PROM1: variants seen among roughly 807,000 people sequenced by gnomAD.
PROM1 encodes prominin-1.
PROM1 carries 105 observed loss-of-function variants against 116.9 expected under a neutral mutation model. That is an observed-to-expected ratio of 0.90 (90% CI 0.77 to 1.06). PROM1 has a LOEUF of 1.06. Ranked by LOEUF, PROM1 falls within the 50% of genes least tolerant of loss-of-function variation. The pLI is 0.00. For missense variants in PROM1, 1,122 were observed against 1,045.2 expected (o/e 1.07, Z -1.01); for synonymous variants, 393 against 387.0 (o/e 1.02, Z -0.18).
chr4:16,078,016 G>C (rs182908918), intron 1 of PROM1: 7 of 152,356 alleles, frequency 4.6e-5, no homozygotes, highest in African/African-American at 1.7e-4. Flanking sequence ...AAGTAATCCT[G>C]ATGGAAATCT....
At chr4:16,014,750 C>T (rs1455090082) in intron 10 of PROM1, among the ~76,000 whole-genome samples, 1 of 152,176 alleles carries the variant, frequency 6.6e-6, no homozygotes, top group Non-Finnish European at 1.5e-5. Flanking sequence ...AAACTATTCT[C>T]TCATTTTCCC....
chr4:16,006,585 C>CA lies in PROM1; in HGVS notation c.1406_1407insT (p.Thr470AspfsTer48). The CA allele has an allele frequency of 6.2e-7, 1 of 1,604,524 alleles. No homozygotes were observed. Among genetic ancestry groups the CA allele is most frequent in the South Asian group, 1.1e-5 (1 of 89,024 alleles). On this transcript the variant is annotated frameshift_variant, in exon 13 of 28. Coordinates refer to ENST00000447510, the MANE Select transcript of PROM1 (RefSeq NM_006017.3). LOFTEE classifies it high-confidence loss of function. The stretch of plus-strand genomic sequence containing the variant: ...TGTTGGAGACACAGCCTCGGGTGGT[C>CA]GGGGTGGCATGCCTGTCATAGCCGC...
chr4:16,003,869 C>G (rs944999173), intron 13 of PROM1, among the ~76,000 whole-genome samples: 27 of 152,330 alleles, frequency 1.8e-4, no homozygotes, highest in Non-Finnish European at 3.2e-4. Context: ...GACTTTCCTC[C>G]TTCCAGATCT....
intron 2 of PROM1, among the ~76,000 whole-genome samples, chr4:16,051,804 CAG>C (rs1489370956): frequency 6.6e-6 from 1 of 152,178 alleles, no homozygotes; most frequent in African/African-American, 2.4e-5. Flanking sequence ...GGCATTTTAA[CAG>C]AGTCTTCCAA....
intron 12 of PROM1, among the ~76,000 whole-genome samples, chr4:16,007,314 C>T (rs1037739520): frequency 1.1e-4 from 16 of 152,330 alleles, no homozygotes; most frequent in African/African-American, 3.1e-4. Flanking sequence ...AATGGTCCTG[C>T]GAGACATTTA....
rs201692179 is a variant in PROM1, at chr4:16,000,497, C to T, written c.1577G>A (p.Arg526Gln). 1.3e-4 allele frequency: 199 copies of T among 1,581,932 alleles called. No individual in the cohort carries two copies. Among genetic ancestry groups the T allele is most frequent in the South Asian group, 9.1e-5 (8 of 88,004 alleles). ...TAATGGGTAGAAAATCATATTTACC[C>T]GGAATAATTCCTTGCTCGTGTAAGG... is the stretch of plus-strand genomic sequence containing the variant. The part of the protein sequence containing the change: ...CEPYTSKELF[R>Q]VLDTPYLLNE... Residue 526 changes from arginine to glutamine, a missense_variant and splice_region_variant, in exon 14 of 28, where the codon CGG (arginine) becomes CAG (glutamine). By Grantham distance (43) the Arg-to-Gln change is conservative. Coordinates refer to ENST00000447510, the MANE Select transcript of PROM1 (RefSeq NM_006017.3).
At chr4:16,034,457 A>G (rs1253903858) in intron 4 of PROM1, among the ~76,000 whole-genome samples, 1 of 152,252 alleles carries the variant, frequency 6.6e-6, no homozygotes, top group Non-Finnish European at 1.5e-5. Context: ...CCCAGGAGCC[A>G]GATCCACAGT....
intron 23 of PROM1, among the ~76,000 whole-genome samples, chr4:15,981,562 A>T (rs1234963929): frequency 1.4e-5 from 2 of 146,094 alleles, no homozygotes; most frequent in Non-Finnish European, 3.0e-5. Flanking sequence ...ACAGAACGAG[A>T]CTCTATCTCA....
Position 15,982,475 on chromosome 4 carries a change from T to C in PROM1, c.2373+1788A>G, listed in dbSNP as rs536298060. Among the ~76,000 whole-genome samples the C allele has an allele frequency of 9.8e-4, 149 of 152,312 alleles. 1 individual carries two copies. The highest frequency in any genetic ancestry group is 3.4e-3 in the African/African-American group (142 of 41,566). Reference sequence around the variant, plus strand: ...GCTGCCTCAATCCTTTTGGGGACAATTGAGATACAAAATAAACATGTTAGC... The same window carrying C: ...GCTGCCTCAATCCTTTTGGGGACAACTGAGATACAAAATAAACATGTTAGC... On this transcript the variant is annotated intron_variant, in intron 23 of 27. Transcript: ENST00000447510.
chr4:16,019,871 T>TACACACACACACACACACAC (rs3040447), intron 8 of PROM1, among the ~76,000 whole-genome samples: 1 of 148,062 alleles, frequency 6.8e-6, no homozygotes, highest in Non-Finnish European at 1.5e-5. Flanking sequence ...GTGTTAAAAA[T>TACACACACACACACACACAC]ACACACACAC....
Position 16,040,716 on chromosome 4 carries a change from G to A in PROM1, c.221-1715C>T, listed in dbSNP as rs1338212055. Among the ~76,000 whole-genome samples the A allele has an allele frequency of 2.0e-5, 3 of 152,124 alleles. No individual in the cohort carries two copies. The South Asian group carries it at 6.2e-4, about 31-fold the overall frequency. ...CAAAGGACCACTTAGGGTGAAGTGA[G>A]AAAACATTTATAAATAAAACAGCAC... On this transcript the variant is annotated intron_variant, in intron 2 of 27. Transcript: ENST00000447510.
At chr4:16,005,135 G>A (rs1301165834) in intron 13 of PROM1, among the ~76,000 whole-genome samples, 1 of 151,754 alleles carries the variant, frequency 6.6e-6, no homozygotes, top group South Asian at 2.1e-4. Context: ...GCTAATTTTT[G>A]TATTTTTAGT....
At chr4:16,036,729 G>A (rs961939157) in intron 3 of PROM1, among the ~76,000 whole-genome samples, 4 of 152,186 alleles carry the variant, frequency 2.6e-5, no homozygotes, top group African/African-American at 9.7e-5. Context: ...TTGGTGTAGG[G>A]TCTGCTTCAG....
At chr4:16,020,612 G>A (rs1482668707) in intron 8 of PROM1, among the ~76,000 whole-genome samples, 2 of 152,048 alleles carry the variant, frequency 1.3e-5, no homozygotes. Context: ...ACTCCTCACG[G>A]CCCTTTTCAC....
At chr4:16,024,877 A>G (rs975417857) in intron 6 of PROM1, among the ~76,000 whole-genome samples, 1 of 152,230 alleles carries the variant, frequency 6.6e-6, no homozygotes, top group African/African-American at 2.4e-5. Flanking sequence ...AAGAAAGGAT[A>G]ATAAGGCCCA....
chr4:15,971,246 C>A, intron 26 of PROM1, 164 bp from the exon 27 acceptor site: 1 of 564,006 alleles, frequency 1.8e-6, no homozygotes, highest in Non-Finnish European at 3.1e-6. Flanking sequence ...ACACTGGTTA[C>A]TCTAGCTTCT....
chr4:16,067,916 C>T (rs1741902650), intron 2 of PROM1, among the ~76,000 whole-genome samples: 1 of 152,134 alleles, frequency 6.6e-6, no homozygotes, highest in Non-Finnish European at 1.5e-5. Context: ...GCCAGAAGCC[C>T]TCCCTGGGAA....
In PROM1 at chr4:15,993,973, C is replaced by T. The variant is rs780792543; in HGVS notation, c.1767+14G>A. On this transcript the variant is annotated intron_variant, in intron 16 of 27. Transcript: ENST00000447510. ...GGAATGTGTTATGTCGATTCCATGA[C>T]GAGTTCTAATTACCTCATTAATGTT... The T allele has an allele frequency of 1.5e-5, 24 of 1,609,558 alleles. No homozygotes were observed. Among genetic ancestry groups the T allele is most frequent in the South Asian group, 1.2e-4 (11 of 90,474 alleles).
chr4:16,037,530 C>T (rs1465952428), intron 3 of PROM1, among the ~76,000 whole-genome samples: 3 of 152,110 alleles, frequency 2.0e-5, no homozygotes, highest in Non-Finnish European at 2.9e-5. Context: ...TCTGAGGTAA[C>T]GATTCACTGG....
Sources: gnomAD v4.1 joint callset for allele counts (sites outside exome capture counted in the v4.1 genomes callset) on GRCh38, gnomAD v4.1.1 for gene constraint, MANE v1.5 for transcripts, NCBI Gene and HGNC (gene_info 2026-07-23, HGNC 2026-07-21) for gene names.